Variants in TAFA2 observed in about 807,000 individuals in gnomAD.
The protein encoded by TAFA2 is chemokine-like protein TAFA-2.
Under a neutral mutation model 18.8 loss-of-function variants are expected in TAFA2, and 7 were observed. The observed-to-expected ratio is 0.37, with a 90% CI of 0.21 to 0.70. The LOEUF is 0.70. Among genes scored for constraint, TAFA2 ranks in the 30% least tolerant of loss-of-function variants. The pLI is 0.53. For missense variants in TAFA2, 122 were observed against 158.1 expected (o/e 0.77, Z 1.23); for synonymous variants, 60 against 54.2 (o/e 1.11, Z -0.47).
intron 1 of TAFA2, among the ~76,000 whole-genome samples, chr12:61,975,531 G>GTGTGTGTGTGTGTGTA (rs1879401308): frequency 1.3e-5 from 2 of 151,322 alleles, no homozygotes; most frequent in African/African-American, 4.8e-5. Context: ...GTGTGTGTGT[G>GTGTGTGTGTGTGTGTA]TGTGTGTGTG....
intron 2 of TAFA2, among the ~76,000 whole-genome samples, chr12:61,859,196 C>A (rs1033548372): frequency 3.9e-5 from 6 of 152,192 alleles, no homozygotes; most frequent in Non-Finnish European, 5.9e-5. Context: ...ACCTTCTTCA[C>A]AGGGCGGCAG....
At chr12:62,169,414 A>G (rs1306127963) in intron 1 of TAFA2, among the ~76,000 whole-genome samples, 1 of 152,212 alleles carries the variant, frequency 6.6e-6, no homozygotes, top group Non-Finnish European at 1.5e-5. Flanking sequence ...AAACTGATGA[A>G]TAGCTGTATT....
chr12:62,011,618 C>A (rs1416353956), intron 1 of TAFA2, among the ~76,000 whole-genome samples: 1 of 151,940 alleles, frequency 6.6e-6, no homozygotes, highest in Non-Finnish European at 1.5e-5. Flanking sequence ...TGTGGAAGGC[C>A]GCAGGGACCT....
intron 1 of TAFA2, among the ~76,000 whole-genome samples, chr12:62,207,478 AC>A (rs2062697025): frequency 6.6e-6 from 1 of 152,104 alleles, no homozygotes; most frequent in Non-Finnish European, 1.5e-5. Flanking sequence ...ACAAACACAC[AC>A]ACACACACAC....
chr12:61,900,396 T>C (rs1244452676), intron 1 of TAFA2, among the ~76,000 whole-genome samples: 1 of 152,212 alleles, frequency 6.6e-6, no homozygotes, highest in Admixed American at 6.5e-5. Flanking sequence ...TTCTGTGGCA[T>C]TCTAGTGGTG....
chr12:61,889,497 G>A (rs1253668531), intron 1 of TAFA2, among the ~76,000 whole-genome samples: 1 of 152,132 alleles, frequency 6.6e-6, no homozygotes, highest in Non-Finnish European at 1.5e-5. Context: ...TCTATACCTT[G>A]CATTTAATGT....
At chr12:61,843,957 T>C (rs570242993) in intron 2 of TAFA2, among the ~76,000 whole-genome samples, 1 of 152,130 alleles carries the variant, frequency 6.6e-6, no homozygotes, top group Non-Finnish European at 1.5e-5. Flanking sequence ...TCAATATGGT[T>C]ACTTGGAAAG....
chr12:62,195,681 G>A (rs2062645813), upstream of TAFA2, among the ~76,000 whole-genome samples: 1 of 152,224 alleles, frequency 6.6e-6, no homozygotes, highest in Admixed American at 6.5e-5. Flanking sequence ...TCAACAGTAG[G>A]CTTAAAATAT....
intron 1 of TAFA2, among the ~76,000 whole-genome samples, chr12:62,060,758 G>C (rs541348538): frequency 6.6e-6 from 1 of 152,026 alleles, no homozygotes; most frequent in Non-Finnish European, 1.5e-5. Context: ...TCCTGACCCC[G>C]TCTAGGCCTA....
At chr12:62,144,623 T>C (rs1028560408) in intron 1 of TAFA2, among the ~76,000 whole-genome samples, 4 of 152,222 alleles carry the variant, frequency 2.6e-5, no homozygotes, top group Admixed American at 6.5e-5. Context: ...CATTTCTTTT[T>C]TGTCTTAATA....
intron 1 of TAFA2, among the ~76,000 whole-genome samples, chr12:61,988,653 TAATTA>T (rs972447607): frequency 1.3e-5 from 2 of 152,186 alleles, no homozygotes; most frequent in African/African-American, 4.8e-5. Flanking sequence ...AAGGGACATA[TAATTA>T]AATTATCATT....
intron 1 of TAFA2, among the ~76,000 whole-genome samples, chr12:62,082,097 T>C (rs997810894): frequency 2.0e-5 from 3 of 152,190 alleles, no homozygotes; most frequent in Non-Finnish European, 4.4e-5. Context: ...TCCAACTCCA[T>C]CCATATCCCT....
intron 4 of TAFA2, among the ~76,000 whole-genome samples, chr12:61,731,564 ATTC>A (rs1870451610): frequency 6.6e-6 from 1 of 151,550 alleles, no homozygotes. Flanking sequence ...AACCCTGCTC[ATTC>A]TTCTTTTACT....
chr12:62,193,650 C>A (rs577740854), upstream of TAFA2, among the ~76,000 whole-genome samples: 1 of 152,038 alleles, frequency 6.6e-6, no homozygotes, highest in Non-Finnish European at 1.5e-5. Flanking sequence ...ATAGCTCCAC[C>A]GATTTTATAA....
intron 2 of TAFA2, among the ~76,000 whole-genome samples, chr12:61,782,035 T>C (rs1303843217): frequency 6.6e-6 from 1 of 151,666 alleles, no homozygotes; most frequent in Non-Finnish European, 1.5e-5. Flanking sequence ...GATTTGAGAC[T>C]AGGAGGAACG....
intron 2 of TAFA2, among the ~76,000 whole-genome samples, chr12:61,850,016 A>C (rs183471455): frequency 6.6e-6 from 1 of 152,284 alleles, no homozygotes; most frequent in East Asian, 1.9e-4. Flanking sequence ...AGAACTGACT[A>C]ACTCTAGGTC....
intron 1 of TAFA2, among the ~76,000 whole-genome samples, chr12:61,940,223 G>A (rs1204348175): frequency 2.0e-5 from 3 of 152,180 alleles, no homozygotes; most frequent in Non-Finnish European, 4.4e-5. Context: ...AATTGCATAA[G>A]GTCCCAAGCC....
At chr12:62,220,614 G>A (rs2062756471) in intron 1 of TAFA2, among the ~76,000 whole-genome samples, 1 of 152,226 alleles carries the variant, frequency 6.6e-6, no homozygotes, top group South Asian at 2.1e-4. Flanking sequence ...ACGCATCAAT[G>A]TAAGTTCATT....
intron 1 of TAFA2, among the ~76,000 whole-genome samples, chr12:62,070,047 T>G (rs992278198): frequency 2.6e-5 from 4 of 152,192 alleles, no homozygotes; most frequent in African/African-American, 9.6e-5. Context: ...TGAGACCAGC[T>G]CTCAGCAAGA....
Sources: allele counts gnomAD v4.1 joint callset (sites outside exome capture counted in the v4.1 genomes callset), GRCh38; gene constraint gnomAD v4.1.1; transcripts MANE v1.5; gene names NCBI Gene and HGNC (gene_info 2026-07-23, HGNC 2026-07-21).